The following GMDS variants were observed in gnomAD, a reference collection of about 807,000 sequenced individuals.
GMDS encodes the protein GDP-mannose 4,6 dehydratase.
GMDS carries 20 observed loss-of-function variants against 49.9 expected under a neutral mutation model. The ratio of observed to expected loss-of-function variants is 0.40; its 90% confidence interval spans 0.28 to 0.58. GMDS has a LOEUF of 0.58. Among genes scored for constraint, GMDS ranks in the 20% least tolerant of loss-of-function variants. GMDS has a pLI of 0.42. For synonymous variants in GMDS, 177 were observed against 178.6 expected (o/e 0.99, Z 0.07); for missense variants, 362 against 481.4 (o/e 0.75, Z 2.32).
chr6:2,205,416 C>A (rs919918996), intron 1 of GMDS, among the ~76,000 whole-genome samples: 2 of 152,248 alleles, frequency 1.3e-5, no homozygotes, highest in African/African-American at 4.8e-5. Flanking sequence ...CCAAAGCACA[C>A]TGTCCTTGTG....
At chr6:1,637,464 G>A (rs969219904) in intron 9 of GMDS, among the ~76,000 whole-genome samples, 3 of 152,264 alleles carry the variant, frequency 2.0e-5, no homozygotes, top group African/African-American at 4.8e-5. Context: ...CTTCCGGGGA[G>A]CTGTCACCTG....
At chr6:2,145,186 TATAAC>T in intron 1 of GMDS, among the ~76,000 whole-genome samples, 1 of 152,292 alleles carries the variant, frequency 6.6e-6, no homozygotes, top group South Asian at 2.1e-4. Flanking sequence ...TAAGCTCACA[TATAAC>T]AGAAACATTT....
Position 1,830,463 on chromosome 6 carries a change from G to A in GMDS, c.772-87877C>T, listed in dbSNP as rs140489454. 1.4e-3 allele frequency among the ~76,000 whole-genome samples: 211 copies of A among 152,294 alleles called. 2 individuals are homozygous for A. In the East Asian group the frequency reaches 0.019, roughly 13 times the overall value. ...AACATCTTAAGGAGAGGGAGTATGT[G>A]TATTCAGCTTTGTATTACATATAAC... On this transcript the variant is annotated intron_variant, in intron 7 of 10. Transcript: ENST00000380815.
At chr6:2,222,320 C>T (rs1398102582) in intron 1 of GMDS, among the ~76,000 whole-genome samples, 1 of 152,202 alleles carries the variant, frequency 6.6e-6, no homozygotes, top group African/African-American at 2.4e-5. Context: ...AGAGACCACA[C>T]CCTGGTGCAG....
At chr6:2,085,716 C>T (rs879555012) in intron 4 of GMDS, among the ~76,000 whole-genome samples, 6 of 152,048 alleles carry the variant, frequency 3.9e-5, no homozygotes, top group Non-Finnish European at 8.8e-5. Flanking sequence ...TTTGTAGAAA[C>T]AGGGTCTCAC....
chr6:1,777,155 C>A (rs1369720284), intron 7 of GMDS, among the ~76,000 whole-genome samples: 1 of 152,250 alleles, frequency 6.6e-6, no homozygotes, highest in Non-Finnish European at 1.5e-5. Context: ...TGGGCCATAC[C>A]CCTAATCCTC....
chr6:1,723,615 C>A (rs1561758007), intron 9 of GMDS, among the ~76,000 whole-genome samples: 1 of 146,818 alleles, frequency 6.8e-6, no homozygotes, highest in East Asian at 2.0e-4. Flanking sequence ...TCCTATCAGT[C>A]ATTCCGAAAT....
At chr6:2,185,298 G>A (rs922754527) in intron 1 of GMDS, among the ~76,000 whole-genome samples, 8 of 152,098 alleles carry the variant, frequency 5.3e-5, no homozygotes, top group Admixed American at 1.3e-4. Context: ...TGTGGTCACC[G>A]CCAGCTGCAG....
At chr6:2,182,570 T>C (rs974870956) in intron 1 of GMDS, among the ~76,000 whole-genome samples, 1 of 152,232 alleles carries the variant, frequency 6.6e-6, no homozygotes, top group African/African-American at 2.4e-5. Context: ...CCAAAAATTA[T>C]AAGGCCCTTA....
chr6:1,998,213 C>A (rs1766416787), intron 4 of GMDS, among the ~76,000 whole-genome samples: 1 of 152,048 alleles, frequency 6.6e-6, no homozygotes, highest in Non-Finnish European at 1.5e-5. Flanking sequence ...GCTGTGAAAA[C>A]AATTGAATGA....
chr6:1,840,143 G>A (rs1757094457), intron 7 of GMDS, among the ~76,000 whole-genome samples: 1 of 152,160 alleles, frequency 6.6e-6, no homozygotes, highest in Non-Finnish European at 1.5e-5. Context: ...TTCTTGAAAT[G>A]TATTTTAATC....
chr6:1,810,846 T>G (rs1770397466), intron 7 of GMDS, among the ~76,000 whole-genome samples: 1 of 152,254 alleles, frequency 6.6e-6, no homozygotes, highest in South Asian at 2.1e-4. Flanking sequence ...TGATCAAAGT[T>G]AGGCATTTTG....
At chr6:1,875,241 T>C (rs1292109977) in intron 7 of GMDS, among the ~76,000 whole-genome samples, 1 of 152,120 alleles carries the variant, frequency 6.6e-6, no homozygotes, top group Admixed American at 6.5e-5. Flanking sequence ...TGAATATCTC[T>C]GATTTGAGAT....
At chr6:1,662,934 C>T (rs191576297) in intron 9 of GMDS, among the ~76,000 whole-genome samples, 1 of 152,292 alleles carries the variant, frequency 6.6e-6, no homozygotes, top group Non-Finnish European at 1.5e-5. Flanking sequence ...TGAATCCTCC[C>T]AACGAGACTG....
intron 9 of GMDS, among the ~76,000 whole-genome samples, chr6:1,656,289 A>G (rs1763876549): frequency 6.6e-6 from 1 of 152,186 alleles, no homozygotes; most frequent in Admixed American, 6.5e-5. Context: ...TACTGTCTCC[A>G]AGAGCTCCAA....
intron 4 of GMDS, among the ~76,000 whole-genome samples, chr6:2,094,507 G>A (rs978392423): frequency 1.5e-4 from 23 of 152,200 alleles, no homozygotes; most frequent in East Asian, 1.2e-3. Context: ...AAGAGAAGAC[G>A]GTCGTGCCAT....
At chr6:1,796,900 T>C (rs1702283397) in intron 7 of GMDS, among the ~76,000 whole-genome samples, 1 of 152,208 alleles carries the variant, frequency 6.6e-6, no homozygotes, top group South Asian at 2.1e-4. Context: ...AAAAGTGATC[T>C]GATTCAGTGA....
intron 1 of GMDS, among the ~76,000 whole-genome samples, chr6:2,184,831 G>T (rs1453039948): frequency 2.6e-5 from 4 of 151,990 alleles, no homozygotes; most frequent in Non-Finnish European, 4.4e-5. Flanking sequence ...TATACCATTG[G>T]GAACCATTGT....
intron 7 of GMDS, among the ~76,000 whole-genome samples, chr6:1,900,585 C>T (rs941691733): frequency 2.6e-5 from 4 of 152,200 alleles, no homozygotes; most frequent in African/African-American, 9.6e-5. Context: ...ATCACAAGCA[C>T]ATGGCTTGAT....
Sources: gnomAD v4.1 joint callset for allele counts (sites outside exome capture counted in the v4.1 genomes callset) on GRCh38, gnomAD v4.1.1 for gene constraint, MANE v1.5 for transcripts, NCBI Gene and HGNC (gene_info 2026-07-23, HGNC 2026-07-21) for gene names.